HCN1: variants seen among roughly 807,000 people sequenced by gnomAD.
HCN1 encodes hyperpolarization activated cyclic nucleotide gated potassium channel 1.
In HCN1, 13 loss-of-function variants were observed where a neutral mutation model predicts 78.9. That is an observed-to-expected ratio of 0.16 (90% CI 0.11 to 0.26). HCN1 has a LOEUF of 0.26. HCN1 is among the 10% of genes least tolerant of loss of function. The pLI, the probability that HCN1 is intolerant of heterozygous loss-of-function variation, is 1.00. For synonymous variants in HCN1, 552 were observed against 455.5 expected, an observed-to-expected ratio of 1.21 and a Z score of -2.70; for missense variants, 810 against 1,154.3, an observed-to-expected ratio of 0.70 and a Z score of 4.32.
chr5:45,303,476 C>A (rs1480985951), intron 6 of HCN1, 123 bp downstream of exon 6: 2 of 918,634 alleles, frequency 2.2e-6, no homozygotes, highest in African/African-American at 3.3e-5. Flanking sequence ...ACACTTTTAT[C>A]AGAATTCACA....
At chr5:45,515,681 C>T (rs1262915913) in intron 2 of HCN1, among the ~76,000 whole-genome samples, 1 of 151,840 alleles carries the variant, frequency 6.6e-6, no homozygotes, top group African/African-American at 2.4e-5. Context: ...TACTAACGTC[C>T]CACATAGAGA....
Position 45,304,557 on chromosome 5 carries a change from T to A in HCN1, c.1378-718A>T, listed in dbSNP as rs181965856. ...TGGGTGTGCTGGTGGGTGCCTGTAA[T>A]CCCAGCTACTCGGGAGGCTGAGGCA... is the stretch of plus-strand genomic sequence containing the variant. On this transcript the variant is annotated intron_variant, in intron 5 of 7. Transcript: ENST00000303230. 2.6e-5 allele frequency among the ~76,000 whole-genome samples: 4 copies of A among 152,146 alleles called. No individual in the cohort carries two copies. In the East Asian group the frequency reaches 7.8e-4, roughly 30 times the overall value.
Position 45,572,552 on chromosome 5 carries a change from C to T in HCN1, c.849+72633G>A, listed in dbSNP as rs138590177. ...TGTTTTTGTATATGTGGACATACAA[C>T]TGTTGCATTTTAGCCTGGTCTATAG... On this transcript the variant is annotated intron_variant, in intron 2 of 7. Transcript: ENST00000303230. Among the ~76,000 whole-genome samples the T allele has an allele frequency of 5.2e-3, 786 of 152,212 alleles. 9 individuals are homozygous for T. Among genetic ancestry groups the T allele is most frequent in the African/African-American group, 0.017 (700 of 41,556 alleles).
At chr5:45,279,826 C>A (rs928791396) in intron 6 of HCN1, among the ~76,000 whole-genome samples, 7 of 151,870 alleles carry the variant, frequency 4.6e-5, no homozygotes, top group Non-Finnish European at 1.0e-4. Flanking sequence ...ACCATAACAC[C>A]CCCAAAATTA....
At chr5:45,477,990 C>A (rs922630962) in intron 2 of HCN1, among the ~76,000 whole-genome samples, 1 of 151,972 alleles carries the variant, frequency 6.6e-6, no homozygotes, top group African/African-American at 2.4e-5. Context: ...GACAATAATA[C>A]ATCAGTATTT....
chr5:45,674,257 C>T (rs1226279966), intron 1 of HCN1, among the ~76,000 whole-genome samples: 1 of 151,358 alleles, frequency 6.6e-6, no homozygotes, highest in South Asian at 2.1e-4. Context: ...CTAGTTAAAA[C>T]TTAATAATTT....
chr5:45,485,860 T>C (rs1486202099), intron 2 of HCN1, among the ~76,000 whole-genome samples: 2 of 152,136 alleles, frequency 1.3e-5, no homozygotes, highest in Non-Finnish European at 2.9e-5. Flanking sequence ...TAACTACATG[T>C]TTTCAGAAGT....
intron 5 of HCN1, among the ~76,000 whole-genome samples, chr5:45,342,137 G>A (rs1177723015): frequency 1.3e-5 from 2 of 152,092 alleles, no homozygotes; most frequent in Non-Finnish European, 2.9e-5. Flanking sequence ...ACTTGATAGA[G>A]GTTATGGAGC....
chr5:45,349,968 C>T (rs1746852607), intron 5 of HCN1, among the ~76,000 whole-genome samples: 1 of 152,172 alleles, frequency 6.6e-6, no homozygotes, highest in Non-Finnish European at 1.5e-5. Context: ...GGTACCATTC[C>T]TTCTGAAACT....
chr5:45,586,440 G>A (rs979813243), intron 2 of HCN1, among the ~76,000 whole-genome samples: 4 of 152,128 alleles, frequency 2.6e-5, no homozygotes, highest in East Asian at 3.9e-4. Context: ...TCTGTGACTA[G>A]GAAAGGGAAT....
intron 1 of HCN1, among the ~76,000 whole-genome samples, chr5:45,666,033 C>A (rs1300708695): frequency 6.6e-6 from 1 of 151,992 alleles, no homozygotes; most frequent in Non-Finnish European, 1.5e-5. Flanking sequence ...TCTTGACATT[C>A]TCCATGCCCA....
chr5:45,372,089 AT>A (rs1747393963), intron 4 of HCN1, among the ~76,000 whole-genome samples: 3 of 59,060 alleles, frequency 5.1e-5, no homozygotes, highest in African/African-American at 1.8e-4. Flanking sequence ...TAATATAATT[AT>A]ATATATATTT....
intron 2 of HCN1, among the ~76,000 whole-genome samples, chr5:45,477,042 T>C (rs1300286332): frequency 1.3e-5 from 2 of 152,158 alleles, no homozygotes; most frequent in Non-Finnish European, 2.9e-5. Flanking sequence ...GTAGATGAGT[T>C]GTTACAATTA....
chr5:45,545,251 G>A (rs1302875089), intron 2 of HCN1, among the ~76,000 whole-genome samples: 1 of 151,868 alleles, frequency 6.6e-6, no homozygotes, highest in Non-Finnish European at 1.5e-5. Context: ...TGTCTTTTGA[G>A]AAGTGTCTGT....
chr5:45,447,728 T>C (rs1168608864), intron 3 of HCN1, among the ~76,000 whole-genome samples: 1 of 152,156 alleles, frequency 6.6e-6, no homozygotes, highest in Non-Finnish European at 1.5e-5. Context: ...GTCCAAATAT[T>C]TCATATCAGA....
intron 2 of HCN1, among the ~76,000 whole-genome samples, chr5:45,609,503 G>T (rs1744790905): frequency 6.6e-6 from 1 of 151,972 alleles, no homozygotes; most frequent in Non-Finnish European, 1.5e-5. Flanking sequence ...AGGATAAATT[G>T]AACAATGTGT....
chr5:45,365,785 T>A (rs1053676724), intron 4 of HCN1, among the ~76,000 whole-genome samples: 40 of 151,912 alleles, frequency 2.6e-4, no homozygotes, highest in Admixed American at 1.2e-3. Flanking sequence ...TTATTTTTTT[T>A]AAAAAAGACT....
intron 2 of HCN1, among the ~76,000 whole-genome samples, chr5:45,571,969 T>C (rs1192317908): frequency 2.0e-5 from 3 of 152,130 alleles, no homozygotes; most frequent in Non-Finnish European, 4.4e-5. Flanking sequence ...ACCATTGATA[T>C]TTTGTTTATA....
At chr5:45,611,302 A>AGCTCTGTT (rs1744832539) in intron 2 of HCN1, among the ~76,000 whole-genome samples, 1 of 110,906 alleles carries the variant, frequency 9.0e-6, no homozygotes, top group African/African-American at 3.6e-5. Flanking sequence ...GACGGAGTCT[A>AGCTCTGTT]GCTCTGTTGT....
Sources: allele counts gnomAD v4.1 joint callset (sites outside exome capture counted in the v4.1 genomes callset), GRCh38; gene constraint gnomAD v4.1.1; transcripts MANE v1.5; gene names NCBI Gene and HGNC (gene_info 2026-07-23, HGNC 2026-07-21).